CSMD1: variants seen among roughly 807,000 people sequenced by gnomAD.
The protein encoded by CSMD1 is CUB and sushi domain-containing protein 1.
CSMD1 carries 213 observed loss-of-function variants against 417.5 expected under a neutral mutation model. The ratio of observed to expected loss-of-function variants is 0.51; its 90% confidence interval spans 0.46 to 0.57. CSMD1 has a LOEUF of 0.57. CSMD1 is among the 20% of genes least tolerant of loss of function. The probability of loss-of-function intolerance (pLI) is 0.00; values close to 1 mark genes in which losing one functional copy is unlikely to be tolerated. For synonymous variants in CSMD1, 2,862 were observed against 1,736.8 expected (o/e 1.65, Z -16.11); for missense variants, 6,923 against 4,529.7 (o/e 1.53, Z -15.17).
chr8:4,620,423 G>C (rs959741090), intron 2 of CSMD1, among the ~76,000 whole-genome samples: 1 of 151,460 alleles, frequency 6.6e-6, no homozygotes, highest in Non-Finnish European at 1.5e-5. Flanking sequence ...TTTGACCAGA[G>C]TCTAAAATTT....
chr8:4,092,626 G>A (rs542713213), intron 3 of CSMD1, among the ~76,000 whole-genome samples: 17 of 152,270 alleles, frequency 1.1e-4, no homozygotes, highest in African/African-American at 3.6e-4. Flanking sequence ...GAAGAATGAC[G>A]TGAATTAAGA....
intron 1 of CSMD1, among the ~76,000 whole-genome samples, chr8:4,677,277 A>G (rs1585435837): frequency 6.6e-6 from 1 of 151,858 alleles, no homozygotes; most frequent in African/African-American, 2.4e-5. Flanking sequence ...GAATCCAACA[A>G]TGTAGTTAGA....
chr8:3,475,530 G>C (rs190622709), intron 11 of CSMD1, among the ~76,000 whole-genome samples: 2 of 152,142 alleles, frequency 1.3e-5, no homozygotes, highest in African/African-American at 4.8e-5. Flanking sequence ...TAATTCACGT[G>C]TGATTTTAGC....
intron 3 of CSMD1, among the ~76,000 whole-genome samples, chr8:4,164,994 T>G (rs1797373065): frequency 1.3e-5 from 2 of 152,184 alleles, no homozygotes; most frequent in Non-Finnish European, 2.9e-5. Flanking sequence ...TTGTAGAGTT[T>G]CCTATGTTCT....
intron 3 of CSMD1, among the ~76,000 whole-genome samples, chr8:4,151,436 G>C (rs1280286802): frequency 2.6e-5 from 4 of 152,154 alleles, no homozygotes; most frequent in Admixed American, 1.3e-4. Context: ...TGAGACATTT[G>C]TAATTGCAAT....
At chr8:3,128,734 A>G in intron 41 of CSMD1, 1 of 388,518 alleles carries the variant, frequency 2.6e-6, no homozygotes, top group South Asian at 2.0e-5. Context: ...TATTTGTATT[A>G]TTTATTTTTA....
chr8:3,747,066 T>A (rs1374413052), intron 6 of CSMD1, among the ~76,000 whole-genome samples: 1 of 152,190 alleles, frequency 6.6e-6, no homozygotes, highest in Non-Finnish European at 1.5e-5. Context: ...TAAAACACGT[T>A]CTGATGTTAA....
At chr8:3,919,770 A>G (rs901393610) in intron 5 of CSMD1, among the ~76,000 whole-genome samples, 5 of 152,214 alleles carry the variant, frequency 3.3e-5, no homozygotes, top group African/African-American at 7.2e-5. Flanking sequence ...CAGGAACACA[A>G]GCTATCTTTC....
At chr8:4,046,735 T>C (rs951421727) in intron 3 of CSMD1, among the ~76,000 whole-genome samples, 3 of 152,204 alleles carry the variant, frequency 2.0e-5, no homozygotes, top group African/African-American at 7.2e-5. Flanking sequence ...ATTTAAACTT[T>C]TTTTCTGTTT....
intron 3 of CSMD1, among the ~76,000 whole-genome samples, chr8:4,192,246 T>C (rs1427553011): frequency 6.6e-6 from 1 of 152,188 alleles, no homozygotes; most frequent in Non-Finnish European, 1.5e-5. Context: ...TATAGTTCGT[T>C]AGGATTATAA....
chr8:3,128,436 A>G (rs1817624157), intron 41 of CSMD1: 1 of 161,778 alleles, frequency 6.2e-6, no homozygotes, highest in South Asian at 1.7e-4. Context: ...TAAATAAATG[A>G]CAAACTTTAA....
intron 3 of CSMD1, among the ~76,000 whole-genome samples, chr8:4,337,178 G>T (rs558753742): frequency 6.6e-6 from 1 of 152,056 alleles, no homozygotes; most frequent in Non-Finnish European, 1.5e-5. Flanking sequence ...ACCTCTGTTT[G>T]CAACAGTGTT....
intron 68 of CSMD1, 134 bp from the exon 69 acceptor site, chr8:2,942,738 T>C: frequency 4.7e-6 from 3 of 637,128 alleles, no homozygotes; most frequent in South Asian, 6.4e-5. Context: ...AACCAAATGA[T>C]ATTCTTTTCT....
intron 1 of CSMD1, among the ~76,000 whole-genome samples, chr8:4,919,240 G>C (rs1269068270): frequency 1.3e-5 from 2 of 152,112 alleles, no homozygotes; most frequent in African/African-American, 2.4e-5. Context: ...CTACAATTCA[G>C]AAATAATCTC....
intron 8 of CSMD1, among the ~76,000 whole-genome samples, chr8:3,599,016 G>C (rs558413260): frequency 6.6e-6 from 1 of 152,120 alleles, no homozygotes; most frequent in Non-Finnish European, 1.5e-5. Flanking sequence ...GGGAGGTAGG[G>C]GTTGCAGTGA....
rs190558528 is a variant in CSMD1, at chr8:3,000,414, T to A, written c.8030-283A>T. 9.1e-4 allele frequency among the ~76,000 whole-genome samples: 138 copies of A among 152,164 alleles called. 2 individuals are homozygous for A. Among genetic ancestry groups the A allele is most frequent in the African/African-American group, 3.1e-3 (128 of 41,518 alleles). ...CCATTTCACTTATTTTGCTTACCTG[T>A]ATTCAGTTATTTACCTTGTTATACT... is the stretch of plus-strand genomic sequence containing the variant. On this transcript the variant is annotated intron_variant, in intron 52 of 69. Coordinates refer to ENST00000635120, the MANE Select transcript of CSMD1 (RefSeq NM_033225.6).
rs187172538 is a variant in CSMD1 at position 4,821,025 on chromosome 8, G to A, written c.85+173307C>T. ...TCATTAGAATGTCTCAGATCGCACGGCTTAGATTGCTCCACACCAAGAAGA... is the reference window on the plus strand; with the variant it reads ...TCATTAGAATGTCTCAGATCGCACGACTTAGATTGCTCCACACCAAGAAGA... On this transcript the variant is annotated intron_variant, in intron 1 of 69. Coordinates refer to ENST00000635120, the MANE Select transcript of CSMD1 (RefSeq NM_033225.6). Among the ~76,000 whole-genome samples, 366 of 152,158 alleles carry A rather than the reference G, an allele frequency of 2.4e-3. 3 individuals are homozygous for A. Among genetic ancestry groups the A allele is most frequent in the Non-Finnish European group, 3.4e-3 (233 of 67,988 alleles).
chr8:4,221,371 A>G (rs1009333002), intron 3 of CSMD1, among the ~76,000 whole-genome samples: 2 of 113,638 alleles, frequency 1.8e-5, no homozygotes, highest in South Asian at 7.6e-4. Context: ...CTCTACAAGG[A>G]AAGTGAGAAA....
Position 3,568,541 on chromosome 8 carries a change from G to C in CSMD1, c.1344+6404C>G, listed in dbSNP as rs76270987. Among the ~76,000 whole-genome samples the C allele has an allele frequency of 5.6e-4, 85 of 152,236 alleles. 2 individuals are homozygous for C. In the East Asian group the frequency reaches 0.015, roughly 27 times the overall value. On this transcript the variant is annotated intron_variant, in intron 10 of 69. Transcript: ENST00000635120. ...AGTATTGCACAAGAAGCTCAAATTA[G>C]AATCAGTAGCTGAAATTATGTCACC...
Sources: allele counts gnomAD v4.1 joint callset (sites outside exome capture counted in the v4.1 genomes callset), GRCh38; gene constraint gnomAD v4.1.1; transcripts MANE v1.5; gene names NCBI Gene and HGNC (gene_info 2026-07-23, HGNC 2026-07-21).